CEP128: variants seen among roughly 807,000 people sequenced by gnomAD.
CEP128 encodes centrosomal protein 128kDa.
Under a neutral mutation model 156.7 loss-of-function variants are expected in CEP128, and 132 were observed. That is an observed-to-expected ratio of 0.84 (90% CI 0.73 to 0.97). The LOEUF (loss-of-function observed/expected upper bound fraction) is 0.97, where lower values mean the gene tolerates loss of function less well. Among genes scored for constraint, CEP128 ranks in the 50% least tolerant of loss-of-function variants. The pLI, the probability that CEP128 is intolerant of heterozygous loss-of-function variation, is 0.00. For synonymous variants in CEP128, 469 were observed against 448.9 expected (o/e 1.04, Z -0.57); for missense variants, 1,252 against 1,281.9 (o/e 0.98, Z 0.36).
In CEP128 at chr14:80,831,266, C is replaced by G; in HGVS notation, c.1086G>C (p.Glu362Asp). The G allele has an allele frequency of 1.2e-6, 2 of 1,614,002 alleles. No homozygotes were observed. Among genetic ancestry groups the G allele is most frequent in the East Asian group, 4.5e-5 (2 of 44,866 alleles). Residue 362 changes from glutamate (E) to aspartate (D), a missense_variant, in exon 13 of 25, where the codon GAG becomes GAC. By Grantham distance (45) the Glu-to-Asp change is conservative (BLOSUM62 2). Coordinates refer to ENST00000555265, the MANE Select transcript of CEP128 (RefSeq NM_152446.5). ...RGVEREKQDL[E>D]KQMSDLRVQL... Reference sequence around the variant, plus strand: ...GCACTCTCAAATCTGACATTTGCTTCTCCAGGTCCTGTTTTTCCCGCTCAA... The same window carrying G: ...GCACTCTCAAATCTGACATTTGCTTGTCCAGGTCCTGTTTTTCCCGCTCAA...
At chr14:80,750,461 T>C (rs1288765461) in intron 18 of CEP128, among the ~76,000 whole-genome samples, 6 of 152,186 alleles carry the variant, frequency 3.9e-5, no homozygotes, top group Admixed American at 6.5e-5. Flanking sequence ...CTTTATGCAA[T>C]TGTCTGAGTT....
At chr14:80,855,711 A>C (rs1887118497) in intron 9 of CEP128, among the ~76,000 whole-genome samples, 1 of 152,146 alleles carries the variant, frequency 6.6e-6, no homozygotes, top group Non-Finnish European at 1.5e-5. Context: ...GACTCCAAAC[A>C]AAGTAGGGGA....
At chr14:80,553,609 G>A (rs1013662349) in intron 21 of CEP128, among the ~76,000 whole-genome samples, 2 of 152,128 alleles carry the variant, frequency 1.3e-5, no homozygotes, top group Non-Finnish European at 2.9e-5. Context: ...TTCTTCAGAA[G>A]TTTCTTGGCT....
At chr14:80,484,450 T>C (rs1887116484) in intron 14 of CEP128, among the ~76,000 whole-genome samples, 1 of 152,246 alleles carries the variant, frequency 6.6e-6, no homozygotes, top group Non-Finnish European at 1.5e-5. Context: ...ATAGGTAACT[T>C]GGGAATTAGC....
chr14:80,549,786 C>T (rs1275729015), intron 21 of CEP128, among the ~76,000 whole-genome samples: 1 of 152,156 alleles, frequency 6.6e-6, no homozygotes, highest in Admixed American at 6.6e-5. Flanking sequence ...TCTTCAACTT[C>T]GGTGCCTGTA....
At chr14:80,490,404 G>A (rs1483081147), downstream of CEP128, 2 of 152,134 alleles carry the variant, frequency 1.3e-5, no homozygotes, top group Non-Finnish European at 2.9e-5. Flanking sequence ...TGTTAATGTG[G>A]AATCAATGCC....
At chr14:80,730,902 G>A (rs989584810) in intron 19 of CEP128, among the ~76,000 whole-genome samples, 3 of 152,134 alleles carry the variant, frequency 2.0e-5, no homozygotes, top group African/African-American at 7.2e-5. Flanking sequence ...CTTGAGGCTT[G>A]ATGTTCCTGT....
chr14:80,750,984 C>T (rs1899361310), intron 18 of CEP128, among the ~76,000 whole-genome samples: 1 of 152,148 alleles, frequency 6.6e-6, no homozygotes. Context: ...GATAGCAGAA[C>T]TCTCTTTCTC....
At chr14:80,524,506 C>T (rs1888890700) in intron 23 of CEP128, among the ~76,000 whole-genome samples, 1 of 152,164 alleles carries the variant, frequency 6.6e-6, no homozygotes, top group Non-Finnish European at 1.5e-5. Context: ...ACACAACTTT[C>T]TCACTACTCA....
chr14:80,718,862 C>T lies in CEP128; in HGVS notation c.2806+24213G>A, dbSNP rs147068837. 2.1e-3 allele frequency among the ~76,000 whole-genome samples: 326 copies of T among 152,280 alleles called. 2 individuals are homozygous for T. Among genetic ancestry groups the T allele is most frequent in the African/African-American group, 7.5e-3 (312 of 41,564 alleles). Reference sequence around the variant, plus strand: ...ACCAGCGAACCTCTCATTTGCTTCACGTCTTTGTTTTTTTCTGAGTGTTGG... The same window carrying T: ...ACCAGCGAACCTCTCATTTGCTTCATGTCTTTGTTTTTTTCTGAGTGTTGG... On this transcript the variant is annotated intron_variant, in intron 19 of 24. Coordinates refer to ENST00000555265, the MANE Select transcript of CEP128 (RefSeq NM_152446.5).
At chr14:80,915,599 C>T (rs1884502507) in intron 3 of CEP128, among the ~76,000 whole-genome samples, 1 of 152,102 alleles carries the variant, frequency 6.6e-6, no homozygotes, top group Non-Finnish European at 1.5e-5. Flanking sequence ...AAGCAAAATG[C>T]CTCAACTCAA....
At chr14:80,666,211 A>G (rs2140911811) in intron 19 of CEP128, among the ~76,000 whole-genome samples, 1 of 152,330 alleles carries the variant, frequency 6.6e-6, no homozygotes, top group South Asian at 2.1e-4. Context: ...GAAAAGAATA[A>G]AGAAGGACAA....
At chr14:80,720,596 G>A (rs1410295967) in intron 19 of CEP128, among the ~76,000 whole-genome samples, 1 of 152,150 alleles carries the variant, frequency 6.6e-6, no homozygotes, top group Non-Finnish European at 1.5e-5. Context: ...GAGAAATTAT[G>A]TAACGTAAGT....
At position 80,909,447 on chromosome 14, in the gene CEP128, A is replaced by G. The variant is rs1399956016; in HGVS notation, c.235-3366T>C. On this transcript the variant is annotated intron_variant, in intron 4 of 24. Coordinates refer to ENST00000555265, the MANE Select transcript of CEP128 (RefSeq NM_152446.5). ...AAAAGAAAAAAAGTTACCATGGGAC[A>G]TAACAGAAGAACATTAAAGAACAAG... 4.6e-5 allele frequency among the ~76,000 whole-genome samples: 7 copies of G among 151,956 alleles called. No individual in the cohort carries two copies. The South Asian group carries it at 1.4e-3, about 31-fold the overall frequency.
At chr14:80,707,361 G>A (rs1268588663) in intron 19 of CEP128, among the ~76,000 whole-genome samples, 4 of 152,236 alleles carry the variant, frequency 2.6e-5, no homozygotes, top group East Asian at 3.9e-4. Flanking sequence ...CCACTGGCCC[G>A]TGCTAGAGCT....
intron 19 of CEP128, among the ~76,000 whole-genome samples, chr14:80,658,053 G>A (rs193217320): frequency 6.1e-4 from 93 of 152,162 alleles, no homozygotes; most frequent in African/African-American, 2.2e-3. Flanking sequence ...ACTGTTTATA[G>A]TTTTTTTCTA....
At chr14:80,898,261 G>T (rs1889440603) in intron 7 of CEP128, among the ~76,000 whole-genome samples, 1 of 152,178 alleles carries the variant, frequency 6.6e-6, no homozygotes. Flanking sequence ...CAAATAGAAA[G>T]TTAAACTTTT....
chr14:80,923,371 C>A (rs1884980812), intron 2 of CEP128, among the ~76,000 whole-genome samples: 1 of 152,174 alleles, frequency 6.6e-6, no homozygotes, highest in Admixed American at 6.5e-5. Context: ...TTTACAAACT[C>A]AAGTCCACCT....
At chr14:80,721,562 A>T (rs1211779014) in intron 19 of CEP128, among the ~76,000 whole-genome samples, 1 of 152,228 alleles carries the variant, frequency 6.6e-6, no homozygotes, top group African/African-American at 2.4e-5. Flanking sequence ...TTACATAAAT[A>T]CATGTTTAAA....
Sources: gnomAD v4.1 joint callset for allele counts (sites outside exome capture counted in the v4.1 genomes callset) on GRCh38, gnomAD v4.1.1 for gene constraint, MANE v1.5 for transcripts, NCBI Gene and HGNC (gene_info 2026-07-23, HGNC 2026-07-21) for gene names.